The following PDZRN3 variants were observed in gnomAD, a reference collection of about 807,000 sequenced individuals.
PDZRN3 encodes the protein PDZ domain containing ring finger 3.
Under a neutral mutation model 85.7 loss-of-function variants are expected in PDZRN3, and 38 were observed. The ratio of observed to expected loss-of-function variants is 0.44; its 90% CI spans 0.34 to 0.58. The LOEUF (loss-of-function observed/expected upper bound fraction) is 0.58. Among genes scored for constraint, PDZRN3 ranks in the 20% least tolerant of loss-of-function variants. The pLI is 0.01. For synonymous variants in PDZRN3, 759 were observed against 638.0 expected (o/e 1.19, Z -2.86); for missense variants, 1,629 against 1,506.4 (o/e 1.08, Z -1.35).
At chr3:73,559,531 C>T (rs1701773343) in intron 3 of PDZRN3, among the ~76,000 whole-genome samples, 1 of 152,204 alleles carries the variant, frequency 6.6e-6, no homozygotes, top group Admixed American at 6.5e-5. Flanking sequence ...CTCTCACACA[C>T]TTGCTAATCT....
At chr3:73,391,262 A>T (rs768541276) in intron 5 of PDZRN3, 146 bp from the exon 6 acceptor site, 13 of 586,634 alleles carry the variant, frequency 2.2e-5, no homozygotes, top group Non-Finnish European at 9.2e-6. Flanking sequence ...TACTAAACAA[A>T]AAGTGATTAT....
chr3:73,447,050 T>TATAC (rs1291487275), intron 3 of PDZRN3, among the ~76,000 whole-genome samples: 1 of 144,742 alleles, frequency 6.9e-6, no homozygotes, highest in East Asian at 2.0e-4. Flanking sequence ...ACTATATATA[T>TATAC]ATATATAAAG....
At position 73,554,209 on chromosome 3, in the gene PDZRN3, G is replaced by A. The variant is rs190403237; in HGVS notation, c.918+48145C>T. 1.4e-3 allele frequency among the ~76,000 whole-genome samples: 206 copies of A among 152,228 alleles called. 2 individuals carry two copies. Among genetic ancestry groups the A allele is most frequent in the Admixed American group, 2.3e-3 (35 of 15,282 alleles). ...TTACAATCTTATATATACCCATGAGGTTCCACCTGGATTCAAATCCAGTAT... is the reference window on the plus strand; with the variant it reads ...TTACAATCTTATATATACCCATGAGATTCCACCTGGATTCAAATCCAGTAT... On this transcript the variant is annotated intron_variant, in intron 3 of 9. Transcript: ENST00000263666.
intron 3 of PDZRN3, among the ~76,000 whole-genome samples, chr3:73,557,184 C>T (rs954506838): frequency 3.3e-5 from 5 of 152,196 alleles, no homozygotes; most frequent in Non-Finnish European, 5.9e-5. Context: ...ATCTCTAGAG[C>T]CTCAGCCTTC....
chr3:73,437,608 C>T (rs184517599), intron 3 of PDZRN3, among the ~76,000 whole-genome samples: 2 of 152,180 alleles, frequency 1.3e-5, no homozygotes, highest in Admixed American at 6.5e-5. Flanking sequence ...AATACAAATT[C>T]GACTCATGGT....
At chr3:73,595,845 A>G (rs182482998) in intron 3 of PDZRN3, among the ~76,000 whole-genome samples, 4 of 152,194 alleles carry the variant, frequency 2.6e-5, no homozygotes, top group Non-Finnish European at 5.9e-5. Context: ...AGACAGATGT[A>G]TATGTTATTA....
intron 3 of PDZRN3, among the ~76,000 whole-genome samples, chr3:73,447,379 G>A (rs190609309): frequency 9.9e-5 from 15 of 152,116 alleles, no homozygotes; most frequent in Non-Finnish European, 2.1e-4. Context: ...GCCGACAGAG[G>A]TTTCTCAAGA....
At chr3:73,450,961 T>C (rs559972061) in intron 3 of PDZRN3, among the ~76,000 whole-genome samples, 13 of 152,040 alleles carry the variant, frequency 8.6e-5, no homozygotes, top group African/African-American at 1.4e-4. Flanking sequence ...ATCTCAAATT[T>C]CACCCACACC....
At position 73,624,327 on chromosome 3, in the gene PDZRN3, G is replaced by A; in HGVS notation, c.499C>T (p.Arg167Trp). Reference sequence around the variant, plus strand: ...GCCTGGAGCGCGCCGTTGTGCGCCCGCAGCGCTCGCGCGCAGCAGTGGCCG... The same window carrying A: ...GCCTGGAGCGCGCCGTTGTGCGCCCACAGCGCTCGCGCGCAGCAGTGGCCG... Reference protein sequence around the residue: ...AGGHCCARALRAHNGALQARL... With the variant: ...AGGHCCARALWAHNGALQARL... Residue 167 changes from arginine to tryptophan, a missense_variant, in exon 1 of 10, where the codon CGG becomes TGG. Coordinates refer to ENST00000263666, the MANE Select transcript of PDZRN3 (RefSeq NM_015009.3). 2.3e-6 allele frequency: 3 copies of A among 1,311,024 alleles called. No homozygotes were observed. Among genetic ancestry groups the A allele is most frequent in the Non-Finnish European group, 2.9e-6 (3 of 1,037,376 alleles). The allele number at this position is 1,311,024 out of a possible 1,614,324, so 81.2% of individuals were successfully genotyped here.
chr3:73,433,928 GCA>G (rs147307503), intron 3 of PDZRN3: 1,527 of 1,376,150 alleles, frequency 1.1e-3, no homozygotes, highest in South Asian at 2.5e-3. Flanking sequence ...GCACGCGCGT[GCA>G]CACACACACA....
At chr3:73,557,660 TCTGC>T (rs1345019742) in intron 3 of PDZRN3, among the ~76,000 whole-genome samples, 1 of 152,094 alleles carries the variant, frequency 6.6e-6, no homozygotes. Context: ...ATTCTGCCAT[TCTGC>T]CATTCACTAT....
chr3:73,470,590 G>A (rs560679686), intron 3 of PDZRN3, among the ~76,000 whole-genome samples: 35 of 152,188 alleles, frequency 2.3e-4, no homozygotes, highest in Non-Finnish European at 4.7e-4. Context: ...CTTACTGCCC[G>A]CCATGTGCTG....
intron 3 of PDZRN3, among the ~76,000 whole-genome samples, chr3:73,456,074 T>A (rs540356611): frequency 2.0e-5 from 3 of 152,346 alleles, no homozygotes; most frequent in African/African-American, 4.8e-5. Flanking sequence ...ATTGTTAGTA[T>A]CAGAAAATGG....
chr3:73,566,914 C>A (rs1339608328), intron 3 of PDZRN3, among the ~76,000 whole-genome samples: 1 of 152,164 alleles, frequency 6.6e-6, no homozygotes, highest in Non-Finnish European at 1.5e-5. Context: ...TGACCACAAA[C>A]AACTTGGATC....
rs151156154 is a variant in PDZRN3 at position 73,383,831 on chromosome 3, G to A, written c.2735C>T (p.Pro912Leu). ...LVSMCKDLSSPTPSEPRMEWK... is the reference protein window; with the variant it reads ...LVSMCKDLSSLTPSEPRMEWK... ...CTCCATGCGCGGCTCCGACGGGGTG[G>A]GAGAGCTCAGGTCCTTGCACATGCT... Residue 912 changes from proline to leucine, a missense_variant, in exon 10 of 10, where the codon CCC (proline) becomes CTC (leucine). Coordinates refer to ENST00000263666, the MANE Select transcript of PDZRN3 (RefSeq NM_015009.3). 8 of 1,613,424 alleles carry A rather than the reference G, an allele frequency of 5.0e-6. No homozygotes were observed. In the East Asian group the frequency reaches 1.6e-4, roughly 31 times the overall value.
chr3:73,487,253 A>T (rs1703680996), intron 3 of PDZRN3, among the ~76,000 whole-genome samples: 1 of 152,162 alleles, frequency 6.6e-6, no homozygotes, highest in South Asian at 2.1e-4. Context: ...AATTTTTTTT[A>T]ACTATAATAA....
Position 73,435,380 on chromosome 3 carries a change from TG to T in PDZRN3, c.919-30986del, listed in dbSNP as rs1702512276. On this transcript the variant is annotated intron_variant, in intron 3 of 9. Transcript: ENST00000263666. Reference sequence around the variant, plus strand: ...GCCACCAGGGAAAGGAAGCCACAGATGGGGCGGGGCAGCTGCAGTAATTGCT... The same window carrying T: ...GCCACCAGGGAAAGGAAGCCACAGATGGGCGGGGCAGCTGCAGTAATTGCT... Among the ~76,000 whole-genome samples, 3 of 152,142 alleles carry T rather than the reference TG, an allele frequency of 2.0e-5. 1 individual carries two copies. The highest frequency in any genetic ancestry group is 4.4e-5 in the Non-Finnish European group (3 of 68,012).
In PDZRN3 at chr3:73,391,011, T is replaced by G. The variant is rs765398127; in HGVS notation, c.1353+7A>C. 6.3e-7 allele frequency: 1 copy of G among 1,595,578 alleles called. No homozygotes were observed. The highest frequency in any genetic ancestry group is 8.6e-7 in the Non-Finnish European group (1 of 1,163,878). On this transcript the variant is annotated splice_region_variant and intron_variant, in intron 6 of 9. Coordinates refer to ENST00000263666, the MANE Select transcript of PDZRN3 (RefSeq NM_015009.3). ...GATAGTTAGAAAAACAAAATCAGCC[T>G]TTGTACCTCACTGATATAAATCCCA... is the stretch of plus-strand genomic sequence containing the variant.
At chr3:73,534,690 T>C (rs1704734937) in intron 3 of PDZRN3, among the ~76,000 whole-genome samples, 1 of 152,236 alleles carries the variant, frequency 6.6e-6, no homozygotes, top group Non-Finnish European at 1.5e-5. Flanking sequence ...TAAGCTCTTG[T>C]TCTGCTCCAC....
Sources: allele counts gnomAD v4.1 joint callset (sites outside exome capture counted in the v4.1 genomes callset), GRCh38; gene constraint gnomAD v4.1.1; transcripts MANE v1.5; gene names NCBI Gene and HGNC (gene_info 2026-07-23, HGNC 2026-07-21).